The following BMAL1 variants were observed in gnomAD, a reference collection of about 807,000 sequenced individuals.
BMAL1 encodes basic helix-loop-helix ARNT-like protein 1.
the BMAL1 span, among the ~76,000 whole-genome samples, chr11:13,332,881 C>T: frequency 5.1e-4 from 78 of 151,960 alleles, no homozygotes; most frequent in Non-Finnish European, 4.4e-4. Flanking sequence ...CTTCCTGTCA[C>T]GGTCATAGCC....
chr11:13,294,579 T>C, the BMAL1 span, among the ~76,000 whole-genome samples: 2 of 152,230 alleles, frequency 1.3e-5, no homozygotes, highest in African/African-American at 4.8e-5. Flanking sequence ...ATTGAGGAAC[T>C]TGTTATAAAG....
At chr11:13,318,555 T>G in the BMAL1 span, among the ~76,000 whole-genome samples, 402 of 147,634 alleles carry the variant, frequency 2.7e-3, no homozygotes, top group African/African-American at 9.3e-3. Context: ...TTTTTTTTTT[T>G]TTTTTTTTTT....
chr11:13,347,563 A>G, the BMAL1 span, among the ~76,000 whole-genome samples: 1 of 151,348 alleles, frequency 6.6e-6, no homozygotes, highest in African/African-American at 2.4e-5. Flanking sequence ...CAGGGAAGTC[A>G]GGGCTGGGCA....
At chr11:13,322,081 G>C in the BMAL1 span, among the ~76,000 whole-genome samples, 1 of 152,152 alleles carries the variant, frequency 6.6e-6, no homozygotes, top group Non-Finnish European at 1.5e-5. Flanking sequence ...GAGCATCCTG[G>C]CTCCTGTACT....
the BMAL1 span, chr11:13,381,305 T>C: frequency 1.9e-6 from 3 of 1,580,268 alleles, no homozygotes; most frequent in Non-Finnish European, 2.6e-6. Flanking sequence ...GCCCAAGATC[T>C]GAAATGTTGG....
At chr11:13,313,124 G>A in the BMAL1 span, among the ~76,000 whole-genome samples, 12 of 152,344 alleles carry the variant, frequency 7.9e-5, no homozygotes, top group East Asian at 2.3e-3. Flanking sequence ...CATTGCCAAT[G>A]CCCAGCTGAC....
the BMAL1 span, among the ~76,000 whole-genome samples, chr11:13,293,363 A>G: frequency 6.6e-6 from 1 of 152,216 alleles, no homozygotes; most frequent in Non-Finnish European, 1.5e-5. Flanking sequence ...ACCTGGGGCA[A>G]AAAACTCCCA....
At chr11:13,365,802 C>T in the BMAL1 span, among the ~76,000 whole-genome samples, 10 of 152,304 alleles carry the variant, frequency 6.6e-5, no homozygotes, top group South Asian at 2.1e-4. Flanking sequence ...CTGATCTGAT[C>T]GATAGCATTA....
At chr11:13,306,876 C>A in the BMAL1 span, among the ~76,000 whole-genome samples, 4 of 152,238 alleles carry the variant, frequency 2.6e-5, no homozygotes, top group Non-Finnish European at 4.4e-5. Flanking sequence ...TGTGTGTTGG[C>A]ATCAGACCTC....
the BMAL1 span, among the ~76,000 whole-genome samples, chr11:13,337,770 T>G: frequency 4.8e-3 from 730 of 152,368 alleles, 3 homozygotes; most frequent in Non-Finnish European, 8.6e-3. Flanking sequence ...AGTTTTCCAC[T>G]GAGGTATTTG....
chr11:13,376,413 C>A, the BMAL1 span: 1 of 565,770 alleles, frequency 1.8e-6, no homozygotes, highest in Non-Finnish European at 3.2e-6. Context: ...CTCTGCTGAA[C>A]TGTGTCCCAC....
At chr11:13,371,486 G>A in the BMAL1 span, among the ~76,000 whole-genome samples, 5 of 152,084 alleles carry the variant, frequency 3.3e-5, no homozygotes, top group Admixed American at 2.6e-4. Flanking sequence ...ATCTCTTGCT[G>A]TATTATAGCC....
At chr11:13,304,524 G>A in the BMAL1 span, among the ~76,000 whole-genome samples, 1 of 152,190 alleles carries the variant, frequency 6.6e-6, no homozygotes, top group African/African-American at 2.4e-5. Flanking sequence ...CTTTCACTCT[G>A]TGATACTTTT....
At chr11:13,280,974 T>G in the BMAL1 span, among the ~76,000 whole-genome samples, 1 of 152,182 alleles carries the variant, frequency 6.6e-6, no homozygotes, top group Non-Finnish European at 1.5e-5. Context: ...CTTTGTGGTC[T>G]TGGATGTGTG....
chr11:13,347,432 C>G, the BMAL1 span, among the ~76,000 whole-genome samples: 1 of 152,106 alleles, frequency 6.6e-6, no homozygotes, highest in Non-Finnish European at 1.5e-5. Context: ...GTACCAAAAT[C>G]TATATTAGCA....
the BMAL1 span, among the ~76,000 whole-genome samples, chr11:13,325,657 T>TTGTGTTTGTGTGTG: frequency 1.0e-4 from 14 of 134,412 alleles, no homozygotes; most frequent in African/African-American, 3.7e-4. Context: ...TTGAGACCTT[T>TTGTGTTTGTGTGTG]TGTGTGTGTG....
the BMAL1 span, among the ~76,000 whole-genome samples, chr11:13,366,423 A>C: frequency 0.012 from 1,759 of 152,306 alleles, 47 homozygotes; most frequent in African/African-American, 0.041. Context: ...TTGCCTTAGA[A>C]GAGCATAAAC....
the BMAL1 span, chr11:13,369,864 G>A: frequency 6.8e-7 from 1 of 1,469,062 alleles, no homozygotes; most frequent in Non-Finnish European, 9.2e-7. Context: ...GTTTCTGGCT[G>A]GCCAGAGTGG....
the BMAL1 span, chr11:13,369,865 GC>G: frequency 6.8e-7 from 1 of 1,476,194 alleles, no homozygotes; most frequent in Non-Finnish European, 9.1e-7. Flanking sequence ...TTTCTGGCTG[GC>G]CAGAGTGGCA....
Sources: gnomAD v4.1 joint callset for allele counts (sites outside exome capture counted in the v4.1 genomes callset) on GRCh38, gnomAD v4.1.1 for gene constraint, MANE v1.5 for transcripts, NCBI Gene and HGNC (gene_info 2026-07-23, HGNC 2026-07-21) for gene names.